The following PREX2 variants were observed in gnomAD, a reference collection of about 807,000 sequenced individuals.
The protein encoded by PREX2 is phosphatidylinositol-3,4,5-trisphosphate dependent Rac exchange factor 2, also known as phosphatidylinositol 3,4,5-trisphosphate-dependent Rac exchanger 2 protein.
In PREX2, 107 loss-of-function variants were observed where a neutral mutation model predicts 203.2. That is an observed-to-expected ratio of 0.53 (90% CI 0.45 to 0.62). The LOEUF (loss-of-function observed/expected upper bound fraction) is 0.62, where lower values mean the gene tolerates loss of function less well. Ranked by LOEUF, PREX2 falls within the 20% of genes least tolerant of loss-of-function variation. PREX2 has a pLI of 0.00. For synonymous variants in PREX2, 672 were observed against 663.6 expected, an observed-to-expected ratio of 1.01 and a Z score of -0.19; for missense variants, 1,777 against 1,955.9, an observed-to-expected ratio of 0.91 and a Z score of 1.72.
intron 35 of PREX2, among the ~76,000 whole-genome samples, chr8:68,163,034 T>A (rs951994525): frequency 6.6e-6 from 1 of 152,224 alleles, no homozygotes; most frequent in African/African-American, 2.4e-5. Flanking sequence ...AAATTATCTT[T>A]ATTTACCAAA....
intron 1 of PREX2, among the ~76,000 whole-genome samples, chr8:68,017,080 A>T (rs1427894518): frequency 1.3e-5 from 2 of 152,018 alleles, no homozygotes; most frequent in Non-Finnish European, 2.9e-5. Context: ...TCTCCCCTAA[A>T]CTTTCTTTTT....
At chr8:68,159,178 G>T (rs960314818) in intron 35 of PREX2, among the ~76,000 whole-genome samples, 7 of 152,112 alleles carry the variant, frequency 4.6e-5, no homozygotes, top group African/African-American at 1.7e-4. Flanking sequence ...AATCCAAATT[G>T]TAGGCAAATA....
intron 14 of PREX2, among the ~76,000 whole-genome samples, chr8:68,074,209 C>T (rs4504620): frequency 0.52 from 79,762 of 151,954 alleles, 20,992 homozygotes; most frequent in South Asian, 0.56. Flanking sequence ...AAGTGATCCA[C>T]CTGCCTCAGC....
At chr8:67,963,241 A>G (rs1368597923) in intron 1 of PREX2, among the ~76,000 whole-genome samples, 1 of 152,022 alleles carries the variant, frequency 6.6e-6, no homozygotes, top group African/African-American at 2.4e-5. Flanking sequence ...CCTGGCTGGT[A>G]TGAGGATGTG....
Position 68,192,436 on chromosome 8 carries a change from T to G in PREX2, c.4515T>G (p.Ala1505=), listed in dbSNP as rs1214427726. ...CCTGTGCAAACACAGCTTGCAGTGC[T>G]TCTGGGGTTGGACTGCTGTCAGTTT... The part of the protein sequence containing the change: ...TAACANTACS[A]SGVGLLSVSS... Residue 1505 remains alanine, a synonymous_variant, in exon 37 of 40, where the codon GCT becomes GCG. Transcript: ENST00000288368. 1 of 1,613,964 alleles carries G rather than the reference T, an allele frequency of 6.2e-7. No homozygotes were observed. The highest frequency in any genetic ancestry group is 8.5e-7 in the Non-Finnish European group (1 of 1,179,974).
At chr8:68,015,914 T>C (rs927834420) in intron 1 of PREX2, among the ~76,000 whole-genome samples, 3 of 152,172 alleles carry the variant, frequency 2.0e-5, no homozygotes, top group African/African-American at 7.2e-5. Flanking sequence ...ACAAATTAGA[T>C]TGATATCCAA....
At chr8:68,162,061 A>G (rs949690953) in intron 35 of PREX2, among the ~76,000 whole-genome samples, 4 of 152,306 alleles carry the variant, frequency 2.6e-5, no homozygotes, top group Admixed American at 6.5e-5. Context: ...TCATGAGGAC[A>G]GCATGGGAAA....
intron 34 of PREX2, among the ~76,000 whole-genome samples, chr8:68,153,528 G>A (rs1156973801): frequency 2.6e-5 from 4 of 152,088 alleles, no homozygotes; most frequent in African/African-American, 9.7e-5. Context: ...TGTTGATACT[G>A]CTTTTGAGAA....
intron 23 of PREX2, among the ~76,000 whole-genome samples, chr8:68,104,476 C>G (rs898403967): frequency 3.3e-5 from 5 of 152,146 alleles, no homozygotes; most frequent in African/African-American, 1.2e-4. Flanking sequence ...AAAATGACCC[C>G]TTTCCAGATG....
intron 30 of PREX2, among the ~76,000 whole-genome samples, chr8:68,121,871 C>A (rs1400902002): frequency 6.6e-6 from 1 of 152,126 alleles, no homozygotes; most frequent in Non-Finnish European, 1.5e-5. Flanking sequence ...AGGAAGAATT[C>A]TCTGATACAA....
chr8:68,209,314 T>C (rs1400710854), intron 37 of PREX2, among the ~76,000 whole-genome samples: 1 of 152,138 alleles, frequency 6.6e-6, no homozygotes, highest in Non-Finnish European at 1.5e-5. Flanking sequence ...ACTAATAACT[T>C]GTTTGCTATA....
intron 1 of PREX2, among the ~76,000 whole-genome samples, chr8:67,999,488 A>AAAAAAC (rs1286048331): frequency 5.3e-5 from 8 of 150,426 alleles, no homozygotes; most frequent in Non-Finnish European, 1.0e-4. Flanking sequence ...CAAAAAAAAA[A>AAAAAAC]AAAAAAAGCC....
At chr8:68,158,432 A>T (rs964278493) in intron 35 of PREX2, among the ~76,000 whole-genome samples, 1 of 152,114 alleles carries the variant, frequency 6.6e-6, no homozygotes, top group Non-Finnish European at 1.5e-5. Context: ...ATAGATTCAA[A>T]TTGCTCTGAA....
At position 68,194,244 on chromosome 8, in the gene PREX2, AG is replaced by A. The variant is rs146324176; in HGVS notation, c.4604+1720del. ...TCTAGTTGCTGGGGATACAGCATTGAGAAAATAAAGTCCCTACTTTCATATA... is the reference window on the plus strand; with the variant it reads ...TCTAGTTGCTGGGGATACAGCATTGAAAAATAAAGTCCCTACTTTCATATA... On this transcript the variant is annotated intron_variant, in intron 37 of 39. Transcript: ENST00000288368. Among the ~76,000 whole-genome samples the A allele has an allele frequency of 3.1e-3, 478 of 152,336 alleles. 1 individual carries two copies. Among genetic ancestry groups the A allele is most frequent in the South Asian group, 0.012 (59 of 4,830 alleles).
intron 37 of PREX2, among the ~76,000 whole-genome samples, chr8:68,209,541 A>C (rs1449447680): frequency 6.6e-6 from 1 of 152,082 alleles, no homozygotes; most frequent in African/African-American, 2.4e-5. Context: ...TGAAGCATGC[A>C]TTTTCCCCAG....
intron 37 of PREX2, among the ~76,000 whole-genome samples, chr8:68,201,765 T>C (rs1465743024): frequency 6.6e-6 from 1 of 152,104 alleles, no homozygotes; most frequent in Non-Finnish European, 1.5e-5. Flanking sequence ...TTAACCATCA[T>C]AGGGCTGAAG....
chr8:68,189,950 A>T (rs1277298725), intron 35 of PREX2, among the ~76,000 whole-genome samples: 1 of 152,242 alleles, frequency 6.6e-6, no homozygotes, highest in East Asian at 1.9e-4. Context: ...TAGTCTTTAG[A>T]GCTAAAGCAT....
rs1026452073 is a variant in PREX2, at chr8:68,234,543, A to C, written c.*3165A>C. On this transcript the variant is annotated 3_prime_UTR_variant, in exon 40 of 40. Coordinates refer to ENST00000288368, the MANE Select transcript of PREX2 (RefSeq NM_024870.4). ...ACAAAATTTAATGTGATATTAAAGT[A>C]TGAAAAATTTGAGAAGATTAGAATT... is the stretch of plus-strand genomic sequence containing the variant. 1 of 152,216 alleles carries C rather than the reference A, an allele frequency of 6.6e-6. No homozygotes were observed. Among genetic ancestry groups the C allele is most frequent in the Non-Finnish European group, 1.5e-5 (1 of 68,034 alleles). 9.4% of individuals were successfully genotyped at this position (152,216 alleles called of 1,614,324 possible).
Position 68,232,044 on chromosome 8 carries a change from C to A in PREX2, c.*666C>A, listed in dbSNP as rs1262569439. 1 of 152,198 alleles carries A rather than the reference C, an allele frequency of 6.6e-6. No homozygotes were observed. Among genetic ancestry groups the A allele is most frequent in the Admixed American group, 6.5e-5 (1 of 15,276 alleles). The allele number at this position is 152,198 out of a possible 1,614,324, so 9.4% of individuals were successfully genotyped here. ...TAGCTGCCTTTGGGCATCCTTTATT[C>A]TTGTGGACAGCTCTAGCAAATCAAT... On this transcript the variant is annotated 3_prime_UTR_variant, in exon 40 of 40. Coordinates refer to ENST00000288368, the MANE Select transcript of PREX2 (RefSeq NM_024870.4).
Sources: gnomAD v4.1 joint callset for allele counts (sites outside exome capture counted in the v4.1 genomes callset) on GRCh38, gnomAD v4.1.1 for gene constraint, MANE v1.5 for transcripts, NCBI Gene and HGNC (gene_info 2026-07-23, HGNC 2026-07-21) for gene names.